Variants in NEURL1 observed in about 807,000 individuals in gnomAD.
NEURL1 encodes the protein E3 ubiquitin-protein ligase NEURL1.
In NEURL1, 26 loss-of-function variants were observed where a neutral mutation model predicts 41.2. That is an observed-to-expected ratio of 0.63 (90% CI 0.46 to 0.87). The LOEUF is 0.87. NEURL1 is among the 40% of genes least tolerant of loss of function. The probability of loss-of-function intolerance (pLI) is 0.00; values close to 1 mark genes in which losing one functional copy is unlikely to be tolerated. For missense variants in NEURL1, 761 were observed against 871.1 expected, an observed-to-expected ratio of 0.87 and a Z score of 1.59; for synonymous variants, 400 against 402.3, an observed-to-expected ratio of 0.99 and a Z score of 0.07.
intron 1 of NEURL1, among the ~76,000 whole-genome samples, chr10:103,541,392 AAAGG>A (rs1229853045): frequency 6.6e-6 from 1 of 152,178 alleles, no homozygotes; most frequent in Non-Finnish European, 1.5e-5. Context: ...GAGGGGTAAG[AAAGG>A]AAGGAAGTTT....
intron 1 of NEURL1, among the ~76,000 whole-genome samples, chr10:103,495,978 C>T (rs926902749): frequency 3.9e-5 from 6 of 152,068 alleles, no homozygotes; most frequent in South Asian, 2.1e-4. Context: ...CATAGTGGTG[C>T]GTGCCTATGA....
At chr10:103,562,238 C>A (rs1162228391) in intron 1 of NEURL1, among the ~76,000 whole-genome samples, 3 of 152,152 alleles carry the variant, frequency 2.0e-5, no homozygotes, top group Non-Finnish European at 4.4e-5. Context: ...CAAAAATTAG[C>A]CAGGCGTGGT....
intron 3 of NEURL1, among the ~76,000 whole-genome samples, chr10:103,581,729 T>C (rs929434673): frequency 2.0e-5 from 3 of 152,130 alleles, no homozygotes; most frequent in African/African-American, 4.8e-5. Context: ...CTTGAGCTGG[T>C]TGGTGCACAT....
intron 1 of NEURL1, among the ~76,000 whole-genome samples, chr10:103,514,237 C>T (rs751998958): frequency 9.2e-5 from 14 of 151,932 alleles, no homozygotes; most frequent in Non-Finnish European, 1.2e-4. Flanking sequence ...CTACAGCATG[C>T]GCCACCAAGC....
At chr10:103,500,024 C>G (rs968219318) in intron 1 of NEURL1, among the ~76,000 whole-genome samples, 1 of 152,136 alleles carries the variant, frequency 6.6e-6, no homozygotes, top group East Asian at 1.9e-4. Context: ...GTTGTCATGA[C>G]GCTTGCAGAT....
intron 1 of NEURL1, among the ~76,000 whole-genome samples, chr10:103,520,062 G>T (rs935629710): frequency 6.6e-6 from 1 of 152,166 alleles, no homozygotes; most frequent in Non-Finnish European, 1.5e-5. Context: ...GGGATAACAG[G>T]TGTAAGCCAC....
At chr10:103,497,083 C>T (rs1315062669) in intron 1 of NEURL1, among the ~76,000 whole-genome samples, 1 of 152,210 alleles carries the variant, frequency 6.6e-6, no homozygotes, top group Non-Finnish European at 1.5e-5. Flanking sequence ...CTCTGTCCTT[C>T]ACCCAAGGTC....
At position 103,590,409 on chromosome 10, in the gene NEURL1, C is replaced by T. The variant is rs188977001; in HGVS notation, c.*37C>T. The T allele has an allele frequency of 2.3e-5, 35 of 1,555,406 alleles. No individual in the cohort carries two copies. In the East Asian group the frequency reaches 2.5e-4, roughly 11 times the overall value. ...GGCCCATCCCGCATACCCATCTTCTCGGGCTTCAGCCCAGTCCCAGCTGAG... is the reference window on the plus strand; with the variant it reads ...GGCCCATCCCGCATACCCATCTTCTTGGGCTTCAGCCCAGTCCCAGCTGAG... On this transcript the variant is annotated 3_prime_UTR_variant, in exon 6 of 6. Coordinates refer to ENST00000369780, the MANE Select transcript of NEURL1 (RefSeq NM_004210.5).
chr10:103,579,933 G>A (rs1034727722), intron 3 of NEURL1, among the ~76,000 whole-genome samples: 7 of 152,108 alleles, frequency 4.6e-5, no homozygotes, highest in Non-Finnish European at 8.8e-5. Context: ...GGAACAGAGC[G>A]AGACCCCGTA....
intron 1 of NEURL1, among the ~76,000 whole-genome samples, chr10:103,498,536 T>A (rs958341911): frequency 5.9e-5 from 9 of 152,350 alleles, no homozygotes; most frequent in East Asian, 3.9e-4. Flanking sequence ...CATTGTTTTT[T>A]ATTGTAAAAT....
At chr10:103,527,769 A>G (rs57918566) in intron 1 of NEURL1, among the ~76,000 whole-genome samples, 338 of 152,002 alleles carry the variant, frequency 2.2e-3, no homozygotes, top group African/African-American at 7.9e-3. Flanking sequence ...CCTCTGACAT[A>G]TTTCTCCCTC....
At chr10:103,571,934 T>G (rs2035560342) in intron 3 of NEURL1, 112 bp downstream of exon 3, 1 of 1,081,830 alleles carries the variant, frequency 9.2e-7, no homozygotes, top group African/African-American at 1.6e-5. Flanking sequence ...CTCTGACTGG[T>G]GCCAAGGGGA....
At position 103,589,535 on chromosome 10, in the gene NEURL1, G is replaced by A. The variant is rs201777311; in HGVS notation, c.1361G>A (p.Arg454Gln). Residue 454 changes from arginine (R) to glutamine (Q), a missense_variant, in exon 5 of 6, where the codon CGG becomes CAG. Arg to Gln is a conservative substitution (Grantham distance 43). Coordinates refer to ENST00000369780, the MANE Select transcript of NEURL1 (RefSeq NM_004210.5). Reference protein sequence around the residue: ...RILGSTILAERGIPSLPCSPA... With the variant: ...RILGSTILAEQGIPSLPCSPA... ...ACAGGCTCCACTATCCTGGCCGAGCGGGGTATCCCATCACTCCCCTGCTCC... is the reference window on the plus strand; with the variant it reads ...ACAGGCTCCACTATCCTGGCCGAGCAGGGTATCCCATCACTCCCCTGCTCC... The A allele has an allele frequency of 2.1e-5, 34 of 1,612,100 alleles. No individual in the cohort carries two copies. Among genetic ancestry groups the A allele is most frequent in the Middle Eastern group, 1.6e-4 (1 of 6,076 alleles).
At chr10:103,550,097 G>T (rs767399653) in intron 1 of NEURL1, among the ~76,000 whole-genome samples, 3 of 152,228 alleles carry the variant, frequency 2.0e-5, no homozygotes, top group African/African-American at 7.2e-5. Flanking sequence ...TTCTGGAGTT[G>T]CTGGCTCTGC....
At chr10:103,564,796 T>C (rs890526560) in intron 1 of NEURL1, among the ~76,000 whole-genome samples, 2 of 152,158 alleles carry the variant, frequency 1.3e-5, no homozygotes, top group Non-Finnish European at 2.9e-5. Flanking sequence ...TCTGGACCCT[T>C]GGCATCAGAG....
intron 3 of NEURL1, among the ~76,000 whole-genome samples, chr10:103,583,307 A>C (rs1320974679): frequency 6.6e-6 from 1 of 152,190 alleles, no homozygotes; most frequent in South Asian, 2.1e-4. Context: ...TTTAGTGAGA[A>C]TGTTCATTTT....
At chr10:103,494,628 C>A in intron 1 of NEURL1, 156 bp downstream of exon 1, 2 of 646,234 alleles carry the variant, frequency 3.1e-6, no homozygotes, top group Non-Finnish European at 5.1e-6. Context: ...TGGAGGGCAG[C>A]CGGCGATGAT....
At chr10:103,561,540 A>C (rs1229512818) in intron 1 of NEURL1, among the ~76,000 whole-genome samples, 2 of 152,194 alleles carry the variant, frequency 1.3e-5, no homozygotes, top group African/African-American at 2.4e-5. Flanking sequence ...CTGGGATTAC[A>C]GGCATGAGCC....
chr10:103,574,520 G>T (rs1047034394), intron 3 of NEURL1, among the ~76,000 whole-genome samples: 1 of 152,208 alleles, frequency 6.6e-6, no homozygotes, highest in African/African-American at 2.4e-5. Flanking sequence ...TTACCCTCCA[G>T]CTGGTTTAAA....
Sources: allele counts gnomAD v4.1 joint callset (sites outside exome capture counted in the v4.1 genomes callset), GRCh38; gene constraint gnomAD v4.1.1; transcripts MANE v1.5; gene names NCBI Gene and HGNC (gene_info 2026-07-23, HGNC 2026-07-21).